Variants in TMC6 observed in about 807,000 individuals in gnomAD.
The protein encoded by TMC6 is transmembrane channel-like protein 6.
In TMC6, 71 loss-of-function variants were observed where a neutral mutation model predicts 95.4. That is an observed-to-expected ratio of 0.74 (90% CI 0.61 to 0.91). TMC6 has a LOEUF of 0.91. Ranked by LOEUF, TMC6 falls within the 40% of genes least tolerant of loss-of-function variation. TMC6 has a pLI of 0.00. For synonymous variants in TMC6, 514 were observed against 483.1 expected (o/e 1.06, Z -0.84); for missense variants, 1,074 against 1,079.1 (o/e 1.00, Z 0.07).
intron 18 of TMC6, among the ~76,000 whole-genome samples, chr17:78,115,700 G>GGGACCAGCTGCC (rs1464230883): frequency 2.4e-5 from 1 of 42,158 alleles, no homozygotes; most frequent in African/African-American, 1.2e-4. Context: ...AGTGGGCACA[G>GGGACCAGCTGCC]GGGCGAAGGG....
chr17:78,127,738 G>A (rs1479975991), intron 1 of TMC6, among the ~76,000 whole-genome samples: 1 of 152,252 alleles, frequency 6.6e-6, no homozygotes, highest in Non-Finnish European at 1.5e-5. Context: ...AAGTCGGCCG[G>A]GTTGAAGGGC....
chr17:78,115,635 CAG>C (rs1201860309), intron 18 of TMC6, among the ~76,000 whole-genome samples: 7 of 145,172 alleles, frequency 4.8e-5, no homozygotes, highest in African/African-American at 1.1e-4. Context: ...GGAGTGGGCA[CAG>C]GGGCGAAGGG....
intron 13 of TMC6, chr17:78,120,199 GC>G (rs1456052594): frequency 1.4e-5 from 4 of 282,742 alleles, no homozygotes; most frequent in Non-Finnish European, 2.6e-5. Context: ...TTGCTCTGTC[GC>G]CCGGGCTGGA....
upstream of TMC6, chr17:78,128,798 C>CGGGGGGGGGGGG (rs549646681): frequency 1.3e-5 from 1 of 75,284 alleles, no homozygotes; most frequent in Non-Finnish European, 2.9e-5. This position sits in a 1 kb window ranked among gnomAD's most constrained non-coding sequence, Gnocchi z 4.0. Flanking sequence ...CCCACGTGGG[C>CGGGGGGGGGGGG]GGGGGGGGGG....
At chr17:78,131,599 C>T (rs867374058), upstream of TMC6, 27 of 1,546,700 alleles carry the variant, frequency 1.7e-5, no homozygotes, top group Middle Eastern at 4.1e-4. Context: ...ATGCTGCTGC[C>T]GCGGTCGGTG....
In TMC6 at chr17:78,113,139, G is replaced by T; in HGVS notation, c.*9C>A. 1 of 1,552,348 alleles carries T rather than the reference G, an allele frequency of 6.4e-7. No homozygotes were observed. Among genetic ancestry groups the T allele is most frequent in the Non-Finnish European group, 8.7e-7 (1 of 1,147,580 alleles). ...GCTGGGCGGGCCCGTGAGGCCCATC[G>T]CCGTCCCCCTAGGCATCCTGTTCAT... is the stretch of plus-strand genomic sequence containing the variant. On this transcript the variant is annotated 3_prime_UTR_variant, in exon 20 of 20. Transcript: ENST00000590602.
At chr17:78,131,664 A>T (rs1224236608), upstream of TMC6, 6 of 1,568,298 alleles carry the variant, frequency 3.8e-6, no homozygotes, top group Non-Finnish European at 5.2e-6. Flanking sequence ...GGAGGCAGAG[A>T]TGGAGCGGCT....
In TMC6 at chr17:78,117,284, C is replaced by T. The variant is rs2074171221; in HGVS notation, c.2262G>A (p.Lys754=). The change falls in exon 18 of 20, where the codon AAG becomes AAA. Residue 754 remains lysine, a synonymous_variant. Coordinates refer to ENST00000590602, the MANE Select transcript of TMC6 (RefSeq NM_001127198.5). ...RGQRKVICLL[K]EQISNEGEDK... ...GGGCACTCACATTGCTGATCTGCTC[C>T]TTGAGCAGGCAGATGACCTTGCGCT... 6.2e-7 allele frequency: 1 copy of T among 1,613,538 alleles called. No individual in the cohort carries two copies. The highest frequency in any genetic ancestry group is 8.5e-7 in the Non-Finnish European group (1 of 1,179,980).
Position 78,109,207 on chromosome 17 carries a change from A to G in TMC6, c.*3941T>C, listed in dbSNP as rs1318739027. 6 of 343,062 alleles carry G rather than the reference A, an allele frequency of 1.7e-5. No individual in the cohort carries two copies. The highest frequency in any genetic ancestry group is 1.1e-4 in the African/African-American group (5 of 46,466). 21.3% of individuals were successfully genotyped at this position (343,062 alleles called of 1,614,324 possible). A position where few individuals can be genotyped will look rare whatever the true frequency, so the allele number is the denominator to read the frequency against. On this transcript the variant is annotated 3_prime_UTR_variant, in exon 20 of 20. Coordinates refer to ENST00000590602, the MANE Select transcript of TMC6 (RefSeq NM_001127198.5). ...CCAGCAGCTAGCAGTGTGGCGTGCC[A>G]AGAAGGCTGTTCCAATGGGGGAGAA...
rs1167388060 is a variant in TMC6 at position 78,113,543 on chromosome 17, C to T, written c.2354+5G>A. The stretch of plus-strand genomic sequence containing the variant: ...AGTGTCCCCAATCCCTCCACGGACC[C>T]TCACCTGCTCCTCTCCTCCCTCTCC... On this transcript the variant is annotated splice_donor_5th_base_variant and intron_variant, in intron 19 of 19. Coordinates refer to ENST00000590602, the MANE Select transcript of TMC6 (RefSeq NM_001127198.5). 3 of 1,613,814 alleles carry T rather than the reference C, an allele frequency of 1.9e-6. No individual in the cohort carries two copies. Among genetic ancestry groups the T allele is most frequent in the Non-Finnish European group, 2.5e-6 (3 of 1,179,978 alleles).
chr17:78,113,592 C>G lies in TMC6; in HGVS notation c.2310G>C (p.Lys770Asn), dbSNP rs1261753686. 2 of 1,613,966 alleles carry G rather than the reference C, an allele frequency of 1.2e-6. No homozygotes were observed. The highest frequency in any genetic ancestry group is 3.3e-5 in the Admixed American group (2 of 60,014). Residue 770 changes from lysine to asparagine, a missense_variant, in exon 19 of 20, where the codon AAG becomes AAC. Physicochemically the swap from Lys to Asn is moderately conservative, Grantham distance 94. Transcript: ENST00000590602. ...CCTTCCTCTCGTAGATGGAGTGAAG[C>G]TTGTTGATTAAGAAGATTTTGTCCT... is the stretch of plus-strand genomic sequence containing the variant. ...EGEDKIFLIN[K>N]LHSIYERKER...
intron 12 of TMC6, 75 bp from the exon 13 acceptor site, chr17:78,120,907 G>T (rs146977134): frequency 1.5e-5 from 24 of 1,611,568 alleles, no homozygotes; most frequent in Non-Finnish European, 1.9e-5. Flanking sequence ...CCCCACCAGG[G>T]GCTTGGTCAC....
At chr17:78,126,944 A>C in intron 1 of TMC6, 38 bp from the exon 2 acceptor site, 3 of 1,265,064 alleles carry the variant, frequency 2.4e-6, no homozygotes, top group African/African-American at 1.5e-5. Flanking sequence ...GGTGGTCTTC[A>C]ACGCCTGGCA....
chr17:78,120,917 C>T lies in TMC6; in HGVS notation c.1536-85G>A. The T allele has an allele frequency of 1.9e-6, 3 of 1,611,926 alleles. No individual in the cohort carries two copies. In the South Asian group the frequency reaches 3.3e-5, roughly 18 times the overall value. ...AGGGCCCCCACCAGGGGCTTGGTCA[C>T]ACCGGCCTCATCCTAAGTAGGTTTG... On this transcript the variant is annotated intron_variant, in intron 12 of 19. Transcript: ENST00000590602.
At chr17:78,126,009 A>G in intron 4 of TMC6, 125 bp from the exon 5 acceptor site, 3 of 1,372,626 alleles carry the variant, frequency 2.2e-6, no homozygotes, top group Non-Finnish European at 3.0e-6. Flanking sequence ...CTTTCAACAA[A>G]GACTTCAGGC....
rs1329865422 is a variant in TMC6 at position 78,109,730 on chromosome 17, T to C, written c.*3418A>G. On this transcript the variant is annotated 3_prime_UTR_variant, in exon 20 of 20. Coordinates refer to ENST00000590602, the MANE Select transcript of TMC6 (RefSeq NM_001127198.5). ...TGCTCGGATGGGCCCAGAGCAGGGG[T>C]TCTCAACCTTGGCCCATTAGAATTA... is the stretch of plus-strand genomic sequence containing the variant. 2.8e-6 allele frequency: 1 copy of C among 357,814 alleles called. No homozygotes were observed. The highest frequency in any genetic ancestry group is 2.1e-5 in the South Asian group (1 of 48,342). 22.2% of individuals were successfully genotyped at this position (357,814 alleles called of 1,614,324 possible). A position where few individuals can be genotyped will look rare whatever the true frequency, so the allele number is the denominator to read the frequency against.
intron 1 of TMC6, among the ~76,000 whole-genome samples, chr17:78,127,301 C>T (rs956970900): frequency 2.6e-5 from 4 of 152,158 alleles, no homozygotes; most frequent in African/African-American, 9.7e-5. Context: ...GGCTGTAGGC[C>T]TTCTCTGCGT....
In TMC6 at chr17:78,114,558, A is replaced by G. The variant is rs181115673; in HGVS notation, c.2278-934T>C. On this transcript the variant is annotated intron_variant, in intron 18 of 19. Coordinates refer to ENST00000590602, the MANE Select transcript of TMC6 (RefSeq NM_001127198.5). ...ACTTAGCAAAGGATCTGGTGCACCGAAACACTGATCATCAGTGCCTGGGTC... is the reference window on the plus strand; with the variant it reads ...ACTTAGCAAAGGATCTGGTGCACCGGAACACTGATCATCAGTGCCTGGGTC... Among the ~76,000 whole-genome samples, 316 of 152,146 alleles carry G rather than the reference A, an allele frequency of 2.1e-3. 1 individual carries two copies. Among genetic ancestry groups the G allele is most frequent in the African/African-American group, 7.3e-3 (302 of 41,498 alleles).
upstream of TMC6, among the ~76,000 whole-genome samples, chr17:78,129,699 C>T (rs1365602167): frequency 1.3e-5 from 2 of 152,158 alleles, no homozygotes; most frequent in African/African-American, 4.8e-5. This position sits in a 1 kb window ranked among gnomAD's most constrained non-coding sequence, Gnocchi z 4.3. Context: ...GTGTGGTCCT[C>T]AGATGGCTAC....
Sources: gnomAD v4.1 joint callset for allele counts (sites outside exome capture counted in the v4.1 genomes callset) on GRCh38, gnomAD v4.1.1 for gene constraint, Gnocchi (gnomAD v3.1) non-coding constraint, MANE v1.5 for transcripts, NCBI Gene and HGNC (gene_info 2026-07-23, HGNC 2026-07-21) for gene names.